Variants in TMEM200A observed in about 807,000 individuals in gnomAD.
TMEM200A encodes the protein two transmembrane C.
In TMEM200A, 12 loss-of-function variants were observed where a neutral mutation model predicts 24.3. The ratio of observed to expected loss-of-function variants is 0.49; its 90% CI spans 0.32 to 0.80. The LOEUF (loss-of-function observed/expected upper bound fraction) is 0.80. Among genes scored for constraint, TMEM200A ranks in the 30% least tolerant of loss-of-function variants. TMEM200A has a pLI of 0.04. For synonymous variants in TMEM200A, 224 were observed against 224.4 expected (o/e 1.00, Z 0.02); for missense variants, 545 against 614.4 (o/e 0.89, Z 1.19).
At chr6:130,416,329 CTCTCTCTCTG>C (rs1382528724) in intron 2 of TMEM200A, among the ~76,000 whole-genome samples, 48 of 144,186 alleles carry the variant, frequency 3.3e-4, no homozygotes, top group African/African-American at 1.3e-3. Context: ...CTCTCTCTGT[CTCTCTCTCTG>C]TGTGTGTGTG....
In TMEM200A at chr6:130,440,975, T is replaced by C; in HGVS notation, c.553T>C (p.Tyr185His). 6.2e-7 allele frequency: 1 copy of C among 1,614,100 alleles called. No homozygotes were observed. Among genetic ancestry groups the C allele is most frequent in the Non-Finnish European group, 8.5e-7 (1 of 1,180,006 alleles). ...GGAGCAAAGGCAAATGAACGGCATGTACACTGGTTTGATGGGAGAAACAGA... is the reference window on the plus strand; with the variant it reads ...GGAGCAAAGGCAAATGAACGGCATGCACACTGGTTTGATGGGAGAAACAGA... ...IKEQRQMNGMYTGLMGETEVK... is the reference protein window; with the variant it reads ...IKEQRQMNGMHTGLMGETEVK... Residue 185 changes from tyrosine to histidine, a missense_variant, in exon 3 of 3, where the codon TAC becomes CAC. Tyr to His is a moderately conservative substitution (Grantham distance 83). Transcript: ENST00000296978.
chr6:130,437,445 C>G (rs1210343449), intron 2 of TMEM200A: 1 of 152,204 alleles, frequency 6.6e-6, no homozygotes, highest in Non-Finnish European at 1.5e-5. Flanking sequence ...ATTGAATTTG[C>G]TCACCTTTGC....
chr6:130,385,679 C>T (rs764659641), intron 2 of TMEM200A, among the ~76,000 whole-genome samples: 29 of 152,108 alleles, frequency 1.9e-4, no homozygotes, highest in Non-Finnish European at 3.8e-4. Flanking sequence ...ATTTGTTCTG[C>T]TTGGAATAAA....
At chr6:130,373,218 C>T (rs764122959) in intron 1 of TMEM200A, among the ~76,000 whole-genome samples, 1 of 152,150 alleles carries the variant, frequency 6.6e-6, no homozygotes, top group Non-Finnish European at 1.5e-5. Flanking sequence ...GCTTAGTGAA[C>T]ATACATGTGC....
rs1159204756 is a variant in TMEM200A at position 130,440,773 on chromosome 6, G to A, written c.351G>A (p.Glu117=). Residue 117 remains glutamate, a synonymous_variant, in exon 3 of 3, where the codon GAG becomes GAA. Coordinates refer to ENST00000296978, the MANE Select transcript of TMEM200A (RefSeq NM_001258277.2). ...GCGGTGTGGTGGTTCGCTTCTTTGA[G>A]CAGCATTTGCATTCTGATAAGATGA... ...NEGGVVVRFF[E]QHLHSDKMKM... is the part of the protein sequence containing the mutation. 1.9e-6 allele frequency: 3 copies of A among 1,613,794 alleles called. No individual in the cohort carries two copies. Among genetic ancestry groups the A allele is most frequent in the Non-Finnish European group, 2.5e-6 (3 of 1,179,964 alleles).
chr6:130,436,930 G>T (rs1780036472), intron 2 of TMEM200A, among the ~76,000 whole-genome samples: 1 of 152,030 alleles, frequency 6.6e-6, no homozygotes, highest in Non-Finnish European at 1.5e-5. Flanking sequence ...GGAGTTACAG[G>T]TGTGAGCCAC....
chr6:130,396,364 GTTTTTTT>G (rs77519811), intron 2 of TMEM200A, among the ~76,000 whole-genome samples: 1 of 133,336 alleles, frequency 7.5e-6, no homozygotes, highest in Non-Finnish European at 1.6e-5. Flanking sequence ...TGACCAGTCT[GTTTTTTT>G]TTTTTTTTTA....
At chr6:130,423,498 A>C (rs1046352809) in intron 2 of TMEM200A, among the ~76,000 whole-genome samples, 2 of 152,178 alleles carry the variant, frequency 1.3e-5, no homozygotes, top group Non-Finnish European at 2.9e-5. Flanking sequence ...ATTGAAAGAA[A>C]AAAAGTACAT....
chr6:130,407,838 G>A (rs188500423), intron 2 of TMEM200A, among the ~76,000 whole-genome samples: 1 of 152,322 alleles, frequency 6.6e-6, no homozygotes, highest in African/African-American at 2.4e-5. Flanking sequence ...ATTCTCCTTA[G>A]AAGTAGATTT....
rs376949374 is a variant in TMEM200A at position 130,420,330 on chromosome 6, T to G, written c.-16-20077T>G. Among the ~76,000 whole-genome samples, 16 of 152,286 alleles carry G rather than the reference T, an allele frequency of 1.1e-4. 2 individuals carry two copies. The highest frequency in any genetic ancestry group is 1.2e-4 in the African/African-American group (5 of 41,572). On this transcript the variant is annotated intron_variant, in intron 2 of 2. Transcript: ENST00000296978. ...CAACAAAGGTGAATTTCTCACTTAC[T>G]CATGTCCATTGTGATTTGGCCAGTC...
intron 2 of TMEM200A, among the ~76,000 whole-genome samples, chr6:130,410,514 C>T (rs548569049): frequency 6.6e-6 from 1 of 152,112 alleles, no homozygotes; most frequent in Non-Finnish European, 1.5e-5. Flanking sequence ...CCTCATATTT[C>T]TCTGAAATTG....
At chr6:130,409,091 C>T (rs954302943) in intron 2 of TMEM200A, among the ~76,000 whole-genome samples, 1 of 152,174 alleles carries the variant, frequency 6.6e-6, no homozygotes, top group Non-Finnish European at 1.5e-5. Context: ...TCCTCCTACT[C>T]ATTCCTGCTT....
intron 2 of TMEM200A, among the ~76,000 whole-genome samples, chr6:130,392,352 T>A (rs990928634): frequency 2.0e-5 from 3 of 152,218 alleles, no homozygotes; most frequent in Non-Finnish European, 4.4e-5. Context: ...TTGCCCTCAC[T>A]ATTTCCCTGT....
rs116570029 is a variant in TMEM200A at position 130,431,753 on chromosome 6, C to A, written c.-16-8654C>A. Among the ~76,000 whole-genome samples, 308 of 152,156 alleles carry A rather than the reference C, an allele frequency of 2.0e-3. 1 individual carries two copies. Among genetic ancestry groups the A allele is most frequent in the African/African-American group, 6.6e-3 (276 of 41,508 alleles). ...TGTTCTATGTCATTGTTACGCAGCT[C>A]ATAATTGGTGTGGGCCCATATTTTA... On this transcript the variant is annotated intron_variant, in intron 2 of 2. Transcript: ENST00000296978.
At chr6:130,404,249 C>G (rs73626721) in intron 2 of TMEM200A, among the ~76,000 whole-genome samples, 2,438 of 152,202 alleles carry the variant, frequency 0.016, 65 homozygotes, top group African/African-American at 0.052. Context: ...TGAAGAATTG[C>G]CACACTGTCT....
At chr6:130,398,652 T>C (rs1373986350) in intron 2 of TMEM200A, among the ~76,000 whole-genome samples, 1 of 152,026 alleles carries the variant, frequency 6.6e-6, no homozygotes, top group Non-Finnish European at 1.5e-5. Flanking sequence ...ATCTGTTGTT[T>C]TAAGACTTTT....
chr6:130,442,693 A>C lies in TMEM200A; in HGVS notation c.*795A>C, dbSNP rs1780226485. The C allele has an allele frequency of 6.0e-6, 1 of 166,890 alleles. No individual in the cohort carries two copies. Among genetic ancestry groups the C allele is most frequent in the Non-Finnish European group, 1.5e-5 (1 of 68,102 alleles). 10.3% of individuals were successfully genotyped at this position (166,890 alleles called of 1,614,324 possible). On this transcript the variant is annotated 3_prime_UTR_variant, in exon 3 of 3. Coordinates refer to ENST00000296978, the MANE Select transcript of TMEM200A (RefSeq NM_001258277.2). The stretch of plus-strand genomic sequence containing the variant: ...CTATCCTGAAATAATTATATACATG[A>C]AGACAATGTTGACTAATGAATTAAG...
chr6:130,387,427 C>A (rs911973128), intron 2 of TMEM200A, among the ~76,000 whole-genome samples: 1 of 152,158 alleles, frequency 6.6e-6, no homozygotes, highest in Non-Finnish European at 1.5e-5. Flanking sequence ...CACCCTCCAT[C>A]ATGCACGGCT....
chr6:130,396,364 G>GT (rs77519811), intron 2 of TMEM200A, among the ~76,000 whole-genome samples: 30,643 of 133,276 alleles, frequency 0.23, 4,119 homozygotes, highest in African/African-American at 0.39. Context: ...TGACCAGTCT[G>GT]TTTTTTTTTT....
Sources: gnomAD v4.1 joint callset for allele counts (sites outside exome capture counted in the v4.1 genomes callset) on GRCh38, gnomAD v4.1.1 for gene constraint, MANE v1.5 for transcripts, NCBI Gene and HGNC (gene_info 2026-07-23, HGNC 2026-07-21) for gene names.